FHIT: variants seen among roughly 807,000 people sequenced by gnomAD.
FHIT encodes the protein fragile histidine triad diadenosine triphosphatase, also known as bis(5'-adenosyl)-triphosphatase.
A neutral mutation model predicts 17.9 loss-of-function variants in FHIT; 19 were observed. The observed-to-expected ratio is 1.06, with a 90% CI of 0.74 to 1.56. The LOEUF (loss-of-function observed/expected upper bound fraction) is 1.56. Ranked by LOEUF, FHIT falls within the 40% of genes most tolerant of loss-of-function variation. The probability of loss-of-function intolerance (pLI) is 0.00; values close to 1 mark genes in which losing one functional copy is unlikely to be tolerated. For missense variants in FHIT, 248 were observed against 189.2 expected (o/e 1.31, Z -1.82); for synonymous variants, 81 against 69.7 (o/e 1.16, Z -0.81).
chr3:60,165,898 C>T (rs561071349), intron 5 of FHIT, among the ~76,000 whole-genome samples: 107 of 152,178 alleles, frequency 7.0e-4, no homozygotes, highest in South Asian at 2.1e-4. Context: ...TAAATAGGAT[C>T]GTGATACCTT....
intron 2 of FHIT, among the ~76,000 whole-genome samples, chr3:61,058,101 G>A (rs1421538726): frequency 1.3e-5 from 2 of 152,070 alleles, no homozygotes; most frequent in African/African-American, 2.4e-5. Flanking sequence ...TTGTTGAAAG[G>A]ATTCACTGAG....
chr3:60,624,231 A>C (rs146656158), intron 4 of FHIT, among the ~76,000 whole-genome samples: 44 of 152,338 alleles, frequency 2.9e-4, no homozygotes, highest in African/African-American at 1.0e-3. Context: ...ATGCAAAATG[A>C]GAAGCAAGGA....
intron 4 of FHIT, among the ~76,000 whole-genome samples, chr3:60,743,052 G>A (rs1400492072): frequency 1.3e-5 from 2 of 152,088 alleles, no homozygotes; most frequent in Admixed American, 6.5e-5. Context: ...TCCCTCTGGC[G>A]GGAATCAGCA....
At chr3:60,402,697 T>C (rs958091173) in intron 5 of FHIT, among the ~76,000 whole-genome samples, 2 of 152,144 alleles carry the variant, frequency 1.3e-5, no homozygotes, top group Non-Finnish European at 2.9e-5. Flanking sequence ...TGTAATAAAG[T>C]AGCACTAGCA....
intron 5 of FHIT, among the ~76,000 whole-genome samples, chr3:60,410,733 A>G (rs1702030551): frequency 6.6e-6 from 1 of 152,152 alleles, no homozygotes; most frequent in South Asian, 2.1e-4. Context: ...ATTTCCCTGG[A>G]AAACTATTAA....
At chr3:60,844,650 T>A (rs1702860942) in intron 3 of FHIT, among the ~76,000 whole-genome samples, 1 of 152,174 alleles carries the variant, frequency 6.6e-6, no homozygotes, top group Admixed American at 6.5e-5. Context: ...TTTCTTCTCA[T>A]AAAAATCACA....
intron 7 of FHIT, among the ~76,000 whole-genome samples, chr3:59,988,522 T>G (rs1709087560): frequency 6.6e-6 from 1 of 152,120 alleles, no homozygotes; most frequent in African/African-American, 2.4e-5. Context: ...TATTCATTCA[T>G]TCACCCATTC....
At chr3:61,157,529 A>G (rs1360276156) in intron 2 of FHIT, among the ~76,000 whole-genome samples, 1 of 152,184 alleles carries the variant, frequency 6.6e-6, no homozygotes, top group Non-Finnish European at 1.5e-5. Flanking sequence ...ATCTTAGTAA[A>G]GGGGAATTAT....
chr3:61,248,103 C>A (rs2040529022), intron 1 of FHIT, among the ~76,000 whole-genome samples: 1 of 152,208 alleles, frequency 6.6e-6, no homozygotes, highest in African/African-American at 2.4e-5. Flanking sequence ...TTTTTCTCTG[C>A]AATGTACATG....
At chr3:60,324,748 A>G (rs1458428975) in intron 5 of FHIT, among the ~76,000 whole-genome samples, 1 of 151,886 alleles carries the variant, frequency 6.6e-6, no homozygotes, top group African/African-American at 2.4e-5. Context: ...CATTTGTTTT[A>G]CTCTTTAGCT....
rs143162590 is a variant in FHIT at position 60,935,238 on chromosome 3, C to T, written c.-111+106809G>A. 4.2e-3 allele frequency among the ~76,000 whole-genome samples: 641 copies of T among 152,282 alleles called. 3 individuals are homozygous for T. Among genetic ancestry groups the T allele is most frequent in the African/African-American group, 0.014 (581 of 41,544 alleles). On this transcript the variant is annotated intron_variant, in intron 3 of 9. Coordinates refer to ENST00000492590, the MANE Select transcript of FHIT (RefSeq NM_002012.4). ...GTAGGTTTAAATCCATGTATTCTTC[C>T]TTAAAACCTTTTGGAACAAGATAAA...
intron 4 of FHIT, among the ~76,000 whole-genome samples, chr3:60,588,961 T>C (rs1375962497): frequency 6.6e-6 from 1 of 152,034 alleles, no homozygotes; most frequent in African/African-American, 2.4e-5. Flanking sequence ...ATGACACATA[T>C]GTGAGACAAT....
chr3:60,067,693 C>T (rs1437373820), intron 5 of FHIT, among the ~76,000 whole-genome samples: 12 of 152,182 alleles, frequency 7.9e-5, no homozygotes, highest in East Asian at 3.9e-4. Flanking sequence ...TCTTTTTAGT[C>T]GACATGAAGG....
chr3:60,660,130 A>G (rs782044721), intron 4 of FHIT, among the ~76,000 whole-genome samples: 2 of 152,170 alleles, frequency 1.3e-5, no homozygotes, highest in Non-Finnish European at 2.9e-5. Context: ...CAAAAGGGGA[A>G]AAGAAAAAAA....
chr3:59,852,422 C>T (rs977554744), intron 8 of FHIT, among the ~76,000 whole-genome samples: 5 of 152,116 alleles, frequency 3.3e-5, no homozygotes, highest in East Asian at 1.9e-4. Flanking sequence ...TAGTAAGGTA[C>T]GGAGATAGCC....
chr3:59,999,542 T>C (rs185571639), intron 7 of FHIT, among the ~76,000 whole-genome samples: 28 of 152,262 alleles, frequency 1.8e-4, no homozygotes, highest in African/African-American at 6.0e-4. Context: ...CTGAATATTT[T>C]AGAGTGGATG....
At chr3:60,578,837 T>C (rs1406631045) in intron 4 of FHIT, among the ~76,000 whole-genome samples, 1 of 152,158 alleles carries the variant, frequency 6.6e-6, no homozygotes, top group Non-Finnish European at 1.5e-5. Context: ...TATAGGTACA[T>C]TTCCCAATTT....
chr3:61,069,248 G>C (rs2034718137), intron 2 of FHIT, among the ~76,000 whole-genome samples: 6 of 152,158 alleles, frequency 3.9e-5, no homozygotes. Context: ...CTTGAGTAAA[G>C]GTTGCTCCAC....
intron 8 of FHIT, among the ~76,000 whole-genome samples, chr3:59,918,820 T>C (rs186307631): frequency 1.1e-4 from 16 of 152,186 alleles, no homozygotes; most frequent in African/African-American, 3.6e-4. Context: ...AAAAAATACT[T>C]TACAGTCACA....
Sources: allele counts gnomAD v4.1 joint callset (sites outside exome capture counted in the v4.1 genomes callset), GRCh38; gene constraint gnomAD v4.1.1; transcripts MANE v1.5; gene names NCBI Gene and HGNC (gene_info 2026-07-23, HGNC 2026-07-21).